WDR36: variants seen among roughly 807,000 people sequenced by gnomAD.
WDR36 encodes WD repeat-containing protein 36.
A neutral mutation model predicts 112.7 loss-of-function variants in WDR36; 63 were observed. The observed-to-expected ratio is 0.56, with a 90% CI of 0.46 to 0.69. The LOEUF is 0.69. WDR36 is among the 30% of genes least tolerant of loss of function. The probability of loss-of-function intolerance (pLI) is 0.00; values close to 1 mark genes in which losing one functional copy is unlikely to be tolerated. For synonymous variants in WDR36, 410 were observed against 362.2 expected (o/e 1.13, Z -1.50); for missense variants, 1,226 against 1,070.3 (o/e 1.15, Z -2.03).
intron 4 of WDR36, among the ~76,000 whole-genome samples, chr5:111,100,185 G>A (rs1000726565): frequency 5.9e-5 from 9 of 151,676 alleles, no homozygotes; most frequent in Admixed American, 3.3e-4. Context: ...CAGATAATTG[G>A]CTCTTCGTTC....
rs762429405 is a variant in WDR36, at chr5:111,125,767, C to T, written c.2510C>T (p.Ala837Val). ...GACAGAAAGCGTGATTTTGAGTTAG[C>T]CCAGGCATACCTTGCATTGTTTCTA... ...MLDRKRDFEL[A>V]QAYLALFLKL... The change falls in exon 22 of 23, where the codon GCC becomes GTC. Residue 837 changes from alanine (A) to valine (V), a missense_variant. By Grantham distance (64) the Ala-to-Val change is moderately conservative. Coordinates refer to ENST00000513710, the MANE Select transcript of WDR36 (RefSeq NM_139281.3). The T allele has an allele frequency of 4.5e-5, 72 of 1,613,620 alleles. No individual in the cohort carries two copies. Among genetic ancestry groups the T allele is most frequent in the Non-Finnish European group, 5.8e-5 (68 of 1,179,782 alleles).
At chr5:111,101,532 A>G (rs1420297953) in intron 5 of WDR36, among the ~76,000 whole-genome samples, 1 of 151,848 alleles carries the variant, frequency 6.6e-6, no homozygotes. Flanking sequence ...ATATTGATGT[A>G]GCTAGAGGGC....
intron 19 of WDR36, among the ~76,000 whole-genome samples, chr5:111,122,734 A>G (rs1345623761): frequency 1.3e-5 from 2 of 152,190 alleles, no homozygotes; most frequent in African/African-American, 2.4e-5. Context: ...CTAGGGCGGC[A>G]TAGCTCCTAA....
chr5:111,104,814 G>T lies in WDR36; in HGVS notation c.1024G>T (p.Ala342Ser), dbSNP rs372789110. The T allele has an allele frequency of 6.2e-7, 1 of 1,610,878 alleles. No individual in the cohort carries two copies. Among genetic ancestry groups the T allele is most frequent in the Non-Finnish European group, 8.5e-7 (1 of 1,177,590 alleles). Reference protein sequence around the residue: ...YGQNGQQILSASQDGTLQSFS... With the variant: ...YGQNGQQILSSSQDGTLQSFS... ...ACAGAATGGACAGCAGATTCTAAGT[G>T]CAAGTGAGCTTCTGCTTCATACTAT... The change falls in exon 9 of 23, where the codon GCA becomes TCA. Residue 342 changes from alanine to serine, a missense_variant. By Grantham distance (99) the Ala-to-Ser change is moderately conservative (BLOSUM62 1). Coordinates refer to ENST00000513710, the MANE Select transcript of WDR36 (RefSeq NM_139281.3).
intron 4 of WDR36, among the ~76,000 whole-genome samples, chr5:111,099,463 GTTTTT>G (rs67437234): frequency 1.2e-5 from 1 of 84,970 alleles, no homozygotes; most frequent in Admixed American, 1.2e-4. Flanking sequence ...TTTTTTTTTT[GTTTTT>G]TTTTTTTTTT....
In WDR36 at chr5:111,120,140, G is replaced by A. The variant is rs536978761; in HGVS notation, c.1905-356G>A. On this transcript the variant is annotated intron_variant, in intron 17 of 22. Transcript: ENST00000513710. ...CCACAAGAATATGCTCAGCATATTC[G>A]CACTCTGACTTACTCTCTGAGTTCA... 1.9e-3 allele frequency among the ~76,000 whole-genome samples: 282 copies of A among 152,018 alleles called. 3 individuals are homozygous for A. The highest frequency in any genetic ancestry group is 1.8e-3 in the Non-Finnish European group (122 of 67,962).
Position 111,127,168 on chromosome 5 carries a change from C to T in WDR36, c.*285C>T, listed in dbSNP as rs1753692306. ...CCTGGGCAACATAGCAAGCAAGATC[C>T]CATCTCTACAAAAAGTTAAAAAAAT... is the stretch of plus-strand genomic sequence containing the variant. On this transcript the variant is annotated 3_prime_UTR_variant, in exon 23 of 23. Coordinates refer to ENST00000513710, the MANE Select transcript of WDR36 (RefSeq NM_139281.3). 4 of 291,380 alleles carry T rather than the reference C, an allele frequency of 1.4e-5. No homozygotes were observed. In the South Asian group the frequency reaches 4.9e-4, roughly 36 times the overall value. 18.0% of individuals were successfully genotyped at this position (291,380 alleles called of 1,614,324 possible).
chr5:111,123,699 T>C (rs1472452632), intron 19 of WDR36, 106 bp from the exon 20 acceptor site: 17 of 1,393,862 alleles, frequency 1.2e-5, no homozygotes, highest in Non-Finnish European at 1.7e-5. Flanking sequence ...AGAGTTTCAT[T>C]CCTCTTTTAC....
In WDR36 at chr5:111,102,116, A is replaced by G. The variant is rs561910030; in HGVS notation, c.543-229A>G. ...ACGTATTTTTTTTTCCACTTAGGAC[A>G]TTTAATTTCTTAATGAGGTGGCATA... On this transcript the variant is annotated intron_variant, in intron 5 of 22. Transcript: ENST00000513710. Among the ~76,000 whole-genome samples, 8 of 140,058 alleles carry G rather than the reference A, an allele frequency of 5.7e-5. No homozygotes were observed. The South Asian group carries it at 1.7e-3, about 30-fold the overall frequency. 91.9% of individuals were successfully genotyped at this position (140,058 alleles called of 152,430 possible).
chr5:111,092,717 G>A (rs1752893103), intron 1 of WDR36, 99 bp downstream of exon 1: 3 of 1,362,220 alleles, frequency 2.2e-6, no homozygotes, highest in Admixed American at 3.9e-5. Flanking sequence ...TTTACCACGG[G>A]CTTCCCTTCT....
intron 19 of WDR36, 29 bp downstream of exon 19, chr5:111,121,170 A>G: frequency 6.2e-7 from 1 of 1,612,378 alleles, no homozygotes; most frequent in Non-Finnish European, 8.5e-7. Flanking sequence ...TATAGACCCT[A>G]AGCATGCATC....
Position 111,129,557 on chromosome 5 carries a change from A to G in WDR36, c.*2674A>G, listed in dbSNP as rs1753745897. ...CTTTTTCCTCTCATTTTTCTATTGA[A>G]TGATTTGTCCTTTTATCTCATGGAT... On this transcript the variant is annotated 3_prime_UTR_variant, in exon 23 of 23. Transcript: ENST00000513710. 1 of 202,642 alleles carries G rather than the reference A, an allele frequency of 4.9e-6. No individual in the cohort carries two copies. The highest frequency in any genetic ancestry group is 2.3e-5 in the African/African-American group (1 of 43,660). The allele number at this position is 202,642 out of a possible 1,614,324, so 12.6% of individuals were successfully genotyped here.
Position 111,107,365 on chromosome 5 carries a change from A to C in WDR36, c.1252A>C (p.Asn418His), listed in dbSNP as rs1214315828. 6.2e-7 allele frequency: 1 copy of C among 1,610,638 alleles called. No homozygotes were observed. The highest frequency in any genetic ancestry group is 1.1e-5 in the South Asian group (1 of 90,978). ...AGGTAAGCTATCTTGCTCAACCTGG[A>C]ATTATCAGAAATCTACAATAGGCGC... ...HQGKLSCSTW[N>H]YQKSTIGAYF... is the part of the protein sequence containing the mutation. The change falls in exon 12 of 23, where the codon AAT (asparagine) becomes CAT (histidine). Residue 418 changes from asparagine to histidine, a missense_variant. By Grantham distance (68) the Asn-to-His change is moderately conservative. Transcript: ENST00000513710.
At position 111,113,052 on chromosome 5, in the gene WDR36, A is replaced by ATATTTT. The variant is rs35527062; in HGVS notation, c.1717-21_1717-20insATTTTT. 4.2e-3 allele frequency: 1,995 copies of ATATTTT among 473,510 alleles called. 44 individuals carry two copies. In the African/African-American group the frequency reaches 0.046, roughly 11 times the overall value. The allele number at this position is 473,510 out of a possible 1,614,324, so 29.3% of individuals were successfully genotyped here. The stretch of plus-strand genomic sequence containing the variant: ...ATATAAATAATATATATATATATAT[A>ATATTTT]TTTTTTTTTTTTAATTTAAAGGCTT... On this transcript the variant is annotated intron_variant, in intron 15 of 22. Coordinates refer to ENST00000513710, the MANE Select transcript of WDR36 (RefSeq NM_139281.3).
At chr5:111,109,580 C>G (rs1157544319) in intron 12 of WDR36, among the ~76,000 whole-genome samples, 1 of 150,540 alleles carries the variant, frequency 6.6e-6, no homozygotes, top group Admixed American at 6.6e-5. Flanking sequence ...CAGCAGTGAC[C>G]AAATATGTAG....
In WDR36 at chr5:111,128,872, CT is replaced by C. The variant is rs1418081555; in HGVS notation, c.*1994del. The C allele has an allele frequency of 5.3e-6, 1 of 189,052 alleles. No homozygotes were observed. The highest frequency in any genetic ancestry group is 1.1e-5 in the Non-Finnish European group (1 of 90,038). The allele number at this position is 189,052 out of a possible 1,614,324, so 11.7% of individuals were successfully genotyped here. On this transcript the variant is annotated 3_prime_UTR_variant, in exon 23 of 23. Coordinates refer to ENST00000513710, the MANE Select transcript of WDR36 (RefSeq NM_139281.3). ...TATATGACTACATTTTGCTTGTGTG[CT>C]TTTTGAAAACCATCTTCAGTCCCAA... is the stretch of plus-strand genomic sequence containing the variant.
chr5:111,100,616 A>T lies in WDR36; in HGVS notation c.437A>T (p.Lys146Ile), dbSNP rs1382552924. ...GAATACCTGCAGTTGACTTTTGATA[A>T]ATCAGTATTTAAAATTTCTGCAATT... ...EEEYLQLTFD[K>I]SVFKISAILH... The change falls in exon 5 of 23, where the codon AAA (lysine) becomes ATA (isoleucine). Residue 146 changes from lysine to isoleucine, a missense_variant. Transcript: ENST00000513710. 2 of 1,593,526 alleles carry T rather than the reference A, an allele frequency of 1.3e-6. No individual in the cohort carries two copies.
chr5:111,118,887 G>C lies in WDR36; in HGVS notation c.1797-126G>C, dbSNP rs1753508212. On this transcript the variant is annotated intron_variant, in intron 16 of 22. Transcript: ENST00000513710. The stretch of plus-strand genomic sequence containing the variant: ...AGTGGTGACTTTCTGATCAATGCTG[G>C]TGATTAAAAAAAAGAAAACATTTTC... The C allele has an allele frequency of 5.6e-6, 4 of 718,512 alleles. 1 individual carries two copies. The highest frequency in any genetic ancestry group is 5.6e-4 in the Middle Eastern group (2 of 3,576). The allele number at this position is 718,512 out of a possible 1,614,324, so 44.5% of individuals were successfully genotyped here.
intron 4 of WDR36, among the ~76,000 whole-genome samples, 185 bp from the exon 5 acceptor site, chr5:111,100,404 T>C (rs571093405): frequency 1.6e-4 from 25 of 152,100 alleles, no homozygotes; most frequent in African/African-American, 5.8e-4. Context: ...TTAAATTACA[T>C]TTACAAGTTG....
Sources: allele counts gnomAD v4.1 joint callset (sites outside exome capture counted in the v4.1 genomes callset), GRCh38; gene constraint gnomAD v4.1.1; transcripts MANE v1.5; gene names NCBI Gene and HGNC (gene_info 2026-07-23, HGNC 2026-07-21).